Variants in AGBL1 observed in about 807,000 individuals in gnomAD.
AGBL1 encodes cytosolic carboxypeptidase 4.
Under a neutral mutation model 118.9 loss-of-function variants are expected in AGBL1, and 130 were observed. That is an observed-to-expected ratio of 1.09 (90% CI 0.95 to 1.26). The LOEUF (loss-of-function observed/expected upper bound fraction) is 1.26. AGBL1 is among the 50% of genes most tolerant of loss of function. The probability of loss-of-function intolerance (pLI) is 0.00; values close to 1 mark genes in which losing one functional copy is unlikely to be tolerated. For missense variants in AGBL1, 1,584 were observed against 1,298.1 expected, an observed-to-expected ratio of 1.22 and a Z score of -3.38; for synonymous variants, 555 against 478.9, an observed-to-expected ratio of 1.16 and a Z score of -2.08.
intron 18 of AGBL1, among the ~76,000 whole-genome samples, chr15:86,442,034 G>A (rs1437026786): frequency 2.6e-5 from 4 of 152,336 alleles, no homozygotes; most frequent in East Asian, 3.9e-4. Flanking sequence ...AACTTTACGA[G>A]CCCAATACCC....
chr15:86,197,965 C>T (rs1216975373), intron 5 of AGBL1, among the ~76,000 whole-genome samples: 1 of 152,068 alleles, frequency 6.6e-6, no homozygotes. Flanking sequence ...CATCACAGCC[C>T]AGAGTATACA....
intron 18 of AGBL1, among the ~76,000 whole-genome samples, chr15:86,477,768 A>T (rs1425623418): frequency 6.6e-6 from 1 of 152,210 alleles, no homozygotes; most frequent in East Asian, 1.9e-4. Context: ...AGCCTGGCAG[A>T]GACACAACAA....
intron 1 of AGBL1, among the ~76,000 whole-genome samples, chr15:86,110,365 A>G (rs1032683663): frequency 9.9e-5 from 15 of 152,222 alleles, no homozygotes; most frequent in African/African-American, 3.4e-4. Flanking sequence ...TATGTATCGT[A>G]TAGTGTATTC....
chr15:86,756,893 T>A (rs2077949590), intron 22 of AGBL1, among the ~76,000 whole-genome samples: 1 of 152,004 alleles, frequency 6.6e-6, no homozygotes, highest in Admixed American at 6.6e-5. Context: ...AATAGCTCCC[T>A]CTGGCTGTAG....
intron 21 of AGBL1, among the ~76,000 whole-genome samples, chr15:86,673,943 C>A (rs924157409): frequency 6.6e-6 from 1 of 152,060 alleles, no homozygotes; most frequent in East Asian, 1.9e-4. Flanking sequence ...TTTAAAAATA[C>A]AGATAAAAGC....
At chr15:86,440,585 C>A (rs1271832613) in intron 18 of AGBL1, among the ~76,000 whole-genome samples, 1 of 151,994 alleles carries the variant, frequency 6.6e-6, no homozygotes, top group Non-Finnish European at 1.5e-5. Flanking sequence ...CTCATTTATT[C>A]CTCATAACCA....
intron 1 of AGBL1, among the ~76,000 whole-genome samples, chr15:86,130,473 G>T (rs1483070296): frequency 6.6e-6 from 1 of 152,120 alleles, no homozygotes; most frequent in Non-Finnish European, 1.5e-5. Flanking sequence ...AGCAAGTGGG[G>T]TCCAGGGAAA....
At chr15:86,843,318 G>A (rs561083735) in intron 22 of AGBL1, among the ~76,000 whole-genome samples, 1 of 152,018 alleles carries the variant, frequency 6.6e-6, no homozygotes, top group African/African-American at 2.4e-5. Flanking sequence ...GTTTCATGCA[G>A]GCAACACTGA....
chr15:87,018,648 A>AT (rs34907558), intron 24 of AGBL1, among the ~76,000 whole-genome samples: 7,042 of 151,972 alleles, frequency 0.046, 276 homozygotes, highest in South Asian at 0.18. Context: ...TACCAAAAGT[A>AT]TTTTTTTACA....
chr15:86,740,691 C>G (rs1555445232), intron 22 of AGBL1, among the ~76,000 whole-genome samples: 1 of 152,102 alleles, frequency 6.6e-6, no homozygotes, highest in Non-Finnish European at 1.5e-5. Context: ...GCTGGGTAGA[C>G]AGATGAATGA....
At chr15:86,950,941 TAG>T (rs2080874993) in intron 23 of AGBL1, among the ~76,000 whole-genome samples, 1 of 151,044 alleles carries the variant, frequency 6.6e-6, no homozygotes, top group South Asian at 2.1e-4. Context: ...AGGCTGAGAG[TAG>T]AGTGAGATAA....
chr15:86,872,721 A>T (rs2079747286), intron 22 of AGBL1, among the ~76,000 whole-genome samples: 1 of 152,154 alleles, frequency 6.6e-6, no homozygotes, highest in Admixed American at 6.5e-5. Context: ...GAGCCACTGC[A>T]CTCCAGCCTG....
intron 21 of AGBL1, among the ~76,000 whole-genome samples, chr15:86,632,691 G>A (rs1041232747): frequency 6.7e-6 from 1 of 148,628 alleles, no homozygotes; most frequent in African/African-American, 2.5e-5. Flanking sequence ...ACTAACCCAT[G>A]TAATTTTTAG....
chr15:86,368,414 T>C (rs986640949), intron 17 of AGBL1, among the ~76,000 whole-genome samples: 9 of 152,164 alleles, frequency 5.9e-5, no homozygotes, highest in Admixed American at 5.9e-4. Flanking sequence ...ATTCACTCTA[T>C]ATGACATCAA....
At chr15:86,223,818 T>G (rs1329549933) in intron 5 of AGBL1, among the ~76,000 whole-genome samples, 2 of 152,222 alleles carry the variant, frequency 1.3e-5, no homozygotes, top group Non-Finnish European at 2.9e-5. Context: ...TTTATATTTA[T>G]TCTTTCATTT....
intron 23 of AGBL1, among the ~76,000 whole-genome samples, chr15:86,934,244 C>G (rs577568309): frequency 1.3e-5 from 2 of 152,132 alleles, no homozygotes; most frequent in Non-Finnish European, 2.9e-5. Flanking sequence ...TGCTGTTAAC[C>G]CAATGTTCCC....
At chr15:86,232,906 T>G (rs1441085402) in intron 6 of AGBL1, among the ~76,000 whole-genome samples, 1 of 151,864 alleles carries the variant, frequency 6.6e-6, no homozygotes, top group African/African-American at 2.4e-5. Context: ...GGGTAGGGAG[T>G]AGGGAGAGAA....
chr15:86,787,712 T>C (rs1545501), intron 22 of AGBL1, among the ~76,000 whole-genome samples: 66,011 of 151,994 alleles, frequency 0.43, 16,968 homozygotes, highest in Non-Finnish European at 0.61. Context: ...AGATATATTT[T>C]TGAGGTTCTT....
chr15:86,946,825 C>T (rs1344608485), intron 23 of AGBL1, among the ~76,000 whole-genome samples: 1 of 111,542 alleles, frequency 9.0e-6, no homozygotes, highest in Non-Finnish European at 1.7e-5. Flanking sequence ...GCCTGGGCAA[C>T]GAGAGTGAAA....
Sources: gnomAD v4.1 joint callset for allele counts (sites outside exome capture counted in the v4.1 genomes callset) on GRCh38, gnomAD v4.1.1 for gene constraint, MANE v1.5 for transcripts, NCBI Gene and HGNC (gene_info 2026-07-23, HGNC 2026-07-21) for gene names.